The following SEMA6D variants were observed in gnomAD, a reference collection of about 807,000 sequenced individuals.
SEMA6D encodes semaphorin-6D.
Under a neutral mutation model 106.6 loss-of-function variants are expected in SEMA6D, and 35 were observed. The ratio of observed to expected loss-of-function variants is 0.33; its 90% CI spans 0.25 to 0.44. The LOEUF (loss-of-function observed/expected upper bound fraction) is 0.44. Ranked by LOEUF, SEMA6D falls within the 20% of genes least tolerant of loss-of-function variation. The pLI is 1.00. For synonymous variants in SEMA6D, 499 were observed against 487.7 expected, an observed-to-expected ratio of 1.02 and a Z score of -0.31; for missense variants, 1,185 against 1,345.9, an observed-to-expected ratio of 0.88 and a Z score of 1.87.
At chr15:47,445,386 A>T (rs2042000095) in intron 2 of SEMA6D, among the ~76,000 whole-genome samples, 1 of 151,998 alleles carries the variant, frequency 6.6e-6, no homozygotes, top group Non-Finnish European at 1.5e-5. Flanking sequence ...TTATATTATG[A>T]TACTGTCCTT....
At chr15:47,637,934 C>A (rs2077420183) in intron 4 of SEMA6D, among the ~76,000 whole-genome samples, 1 of 152,114 alleles carries the variant, frequency 6.6e-6, no homozygotes. Context: ...AAATAGCAGA[C>A]CATAACTAAA....
At chr15:47,709,234 A>G (rs1380633423) in intron 4 of SEMA6D, among the ~76,000 whole-genome samples, 1 of 152,102 alleles carries the variant, frequency 6.6e-6, no homozygotes. Context: ...TACAGTCTTC[A>G]TATCTCCAGG....
intron 3 of SEMA6D, among the ~76,000 whole-genome samples, chr15:47,552,905 T>TATATATATATAA: frequency 2.1e-5 from 2 of 94,820 alleles, no homozygotes; most frequent in Non-Finnish European, 2.0e-5. Context: ...TATATATATA[T>TATATATATATAA]AAATATATAT....
At chr15:47,503,689 T>TCACACACACACACACA (rs142397320) in intron 3 of SEMA6D, among the ~76,000 whole-genome samples, 273 of 148,696 alleles carry the variant, frequency 1.8e-3, no homozygotes, top group Admixed American at 3.5e-3. Context: ...TCTCTCTCTG[T>TCACACACACACACACA]CACACACACA....
At chr15:47,365,890 G>GAGAGA (rs1346586280) in intron 1 of SEMA6D, among the ~76,000 whole-genome samples, 1,209 of 119,164 alleles carry the variant, frequency 0.01, 8 homozygotes, top group African/African-American at 0.02. Context: ...GAGAGAGAGA[G>GAGAGA]GAGAGAGAGA....
chr15:47,565,084 C>T (rs972752580), intron 3 of SEMA6D, among the ~76,000 whole-genome samples: 10 of 152,074 alleles, frequency 6.6e-5, no homozygotes, highest in East Asian at 1.9e-4. Context: ...TCCTGGATGC[C>T]GGACAAAAGT....
Position 47,658,287 on chromosome 15 carries a change from A to C in SEMA6D, c.-55+57391A>C, listed in dbSNP as rs77627826. On this transcript the variant is annotated intron_variant, in intron 4 of 19. Coordinates refer to the SEMA6D transcript ENST00000558014. ...ACTGATCATATTAATAGATAGGCTA[A>C]ACTATTCTTGCTTTCCTGGGATTAG... is the stretch of plus-strand genomic sequence containing the variant. Among the ~76,000 whole-genome samples the C allele has an allele frequency of 7.2e-5, 11 of 152,252 alleles. No homozygotes were observed. The East Asian group carries it at 2.1e-3, about 29-fold the overall frequency.
chr15:47,760,393 G>A lies in SEMA6D; in HGVS notation c.199G>A (p.Asp67Asn), dbSNP rs1360511645. 6.2e-7 allele frequency: 1 copy of A among 1,613,318 alleles called. No homozygotes were observed. The highest frequency in any genetic ancestry group is 8.5e-7 in the Non-Finnish European group (1 of 1,179,480). ...CTTTCAGCTGATGTTGAAAATTCGA[G>A]ACACACTTTATATTGCTGGCAGGTA... is the stretch of plus-strand genomic sequence containing the variant. ...LDFQLMLKIR[D>N]TLYIAGRDQV... Residue 67 changes from aspartate (D) to asparagine (N), a missense_variant, in exon 3 of 19, where the codon GAC (aspartate) becomes AAC (asparagine). By Grantham distance (23) the Asp-to-Asn change is conservative (BLOSUM62 1). This residue lies in a region of SEMA6D where 144 missense variants were observed against 138.6 expected (regional missense o/e 1.04). Coordinates refer to ENST00000536845, the MANE Select transcript of SEMA6D (RefSeq NM_001358351.3).
At chr15:47,650,444 G>T (rs995549924) in intron 4 of SEMA6D, among the ~76,000 whole-genome samples, 1 of 152,182 alleles carries the variant, frequency 6.6e-6, no homozygotes, top group African/African-American at 2.4e-5. Context: ...GCACATTAAA[G>T]ATGCTCTATA....
At chr15:47,490,155 C>G (rs1482427434) in intron 3 of SEMA6D, among the ~76,000 whole-genome samples, 1 of 152,092 alleles carries the variant, frequency 6.6e-6, no homozygotes, top group Non-Finnish European at 1.5e-5. Flanking sequence ...TGTTATTCTC[C>G]TTAGACTTTC....
chr15:47,694,978 T>C (rs1021428872), intron 4 of SEMA6D, among the ~76,000 whole-genome samples: 3 of 152,152 alleles, frequency 2.0e-5, no homozygotes, highest in African/African-American at 7.2e-5. Flanking sequence ...GGCATTGCGT[T>C]AGGCAAAAAT....
chr15:47,666,362 T>C (rs1031619613), intron 4 of SEMA6D, among the ~76,000 whole-genome samples: 3 of 152,138 alleles, frequency 2.0e-5, no homozygotes, highest in Non-Finnish European at 4.4e-5. Context: ...TGTTGAGTAA[T>C]TGTGCTAGGA....
chr15:47,429,637 T>C (rs951190022), intron 2 of SEMA6D, among the ~76,000 whole-genome samples: 5 of 152,130 alleles, frequency 3.3e-5, no homozygotes, highest in African/African-American at 1.2e-4. Context: ...AGGAATGCAG[T>C]GGGGCAGATG....
chr15:47,693,670 C>T (rs1253484333), intron 4 of SEMA6D, among the ~76,000 whole-genome samples: 2 of 152,084 alleles, frequency 1.3e-5, no homozygotes, highest in East Asian at 3.9e-4. Flanking sequence ...TGCCATGGTT[C>T]ACATTTGTAA....
At chr15:47,361,991 G>A (rs926667012) in intron 1 of SEMA6D, among the ~76,000 whole-genome samples, 5 of 152,172 alleles carry the variant, frequency 3.3e-5, no homozygotes, top group Admixed American at 1.3e-4. Flanking sequence ...AAACAAAAAT[G>A]AGCTTGTTAG....
chr15:47,271,729 T>A (rs2034570258), intron 1 of SEMA6D, among the ~76,000 whole-genome samples: 1 of 152,140 alleles, frequency 6.6e-6, no homozygotes, highest in East Asian at 1.9e-4. Flanking sequence ...ATGGCAGAAC[T>A]GAAAAAGAGA....
chr15:47,566,038 C>T (rs1256380257), intron 3 of SEMA6D, among the ~76,000 whole-genome samples: 2 of 152,214 alleles, frequency 1.3e-5, no homozygotes, highest in East Asian at 3.8e-4. Context: ...TATAGGCCTT[C>T]ACAGTTACTT....
chr15:47,265,565 T>G (rs994897372), intron 1 of SEMA6D, among the ~76,000 whole-genome samples: 4 of 136,622 alleles, frequency 2.9e-5, no homozygotes, highest in Non-Finnish European at 6.3e-5. Flanking sequence ...CTTTAAAATC[T>G]TCTCTGTTAA....
chr15:47,343,747 T>C (rs1369604359), intron 1 of SEMA6D, among the ~76,000 whole-genome samples: 1 of 152,170 alleles, frequency 6.6e-6, no homozygotes, highest in Non-Finnish European at 1.5e-5. Context: ...AGCAGCATGA[T>C]TTATAATCCT....
Sources: gnomAD v4.1 joint callset for allele counts (sites outside exome capture counted in the v4.1 genomes callset) on GRCh38, gnomAD v4.1.1 for gene constraint, gnomAD v4.1.1 regional missense constraint, MANE v1.5 for transcripts, NCBI Gene and HGNC (gene_info 2026-07-23, HGNC 2026-07-21) for gene names.